HEMK2: variants seen among roughly 807,000 people sequenced by gnomAD.
HEMK2 encodes the protein methyltransferase HEMK2.
chr21:28,711,708 G>A, the HEMK2 span, among the ~76,000 whole-genome samples: 4 of 152,176 alleles, frequency 2.6e-5, no homozygotes, highest in African/African-American at 7.2e-5. Context: ...AGGCAGTGAC[G>A]TTTCAAGGAG....
chr21:28,589,711 C>T, the HEMK2 span, among the ~76,000 whole-genome samples: 5 of 152,014 alleles, frequency 3.3e-5, no homozygotes, highest in Admixed American at 1.3e-4. Flanking sequence ...TGAACCCATG[C>T]TTTGCTTTGA....
chr21:28,638,062 T>C, the HEMK2 span, among the ~76,000 whole-genome samples: 2 of 152,244 alleles, frequency 1.3e-5, no homozygotes, highest in South Asian at 2.1e-4. Context: ...ACTTGGGGTA[T>C]GCATTTATTC....
chr21:28,667,253 T>A, the HEMK2 span, among the ~76,000 whole-genome samples: 1 of 152,186 alleles, frequency 6.6e-6, no homozygotes, highest in African/African-American at 2.4e-5. Flanking sequence ...ATGTGTTGTT[T>A]TGACAGATTT....
At chr21:28,853,686 T>C in the HEMK2 span, among the ~76,000 whole-genome samples, 3 of 152,136 alleles carry the variant, frequency 2.0e-5, no homozygotes, top group East Asian at 1.9e-4. Context: ...CCTCAGGCAA[T>C]GTAGGGTTTA....
the HEMK2 span, among the ~76,000 whole-genome samples, chr21:28,714,464 G>A: frequency 6.6e-6 from 1 of 152,238 alleles, no homozygotes; most frequent in South Asian, 2.1e-4. Flanking sequence ...ACAATGAGAT[G>A]AGGCTGAATT....
the HEMK2 span, among the ~76,000 whole-genome samples, chr21:28,841,638 ATT>A: frequency 6.7e-6 from 1 of 149,272 alleles, no homozygotes; most frequent in East Asian, 2.0e-4. Context: ...AGGCATAAGA[ATT>A]ATACGATGGA....
the HEMK2 span, among the ~76,000 whole-genome samples, chr21:28,722,280 G>T: frequency 6.6e-6 from 1 of 152,004 alleles, no homozygotes; most frequent in African/African-American, 2.4e-5. Context: ...ATTAGAAAAA[G>T]AACTTTTCAA....
At chr21:28,605,636 C>T in the HEMK2 span, among the ~76,000 whole-genome samples, 42 of 152,120 alleles carry the variant, frequency 2.8e-4, 2 homozygotes, top group Admixed American at 2.5e-3. Context: ...TCCAAATTTC[C>T]TCATGCTTAA....
chr21:28,682,554 A>G, the HEMK2 span, among the ~76,000 whole-genome samples: 1 of 152,074 alleles, frequency 6.6e-6, no homozygotes, highest in Non-Finnish European at 1.5e-5. Flanking sequence ...ATTACTGGGT[A>G]TATACCCAAA....
At chr21:28,584,261 A>AT in the HEMK2 span, among the ~76,000 whole-genome samples, 1 of 152,236 alleles carries the variant, frequency 6.6e-6, no homozygotes, top group South Asian at 2.1e-4. Context: ...CACAAAGATT[A>AT]TTTTGTAAGA....
At chr21:28,731,992 T>C in the HEMK2 span, among the ~76,000 whole-genome samples, 1 of 152,184 alleles carries the variant, frequency 6.6e-6, no homozygotes, top group South Asian at 2.1e-4. Context: ...TACGTGTCAC[T>C]CCTAGAAACC....
the HEMK2 span, among the ~76,000 whole-genome samples, chr21:28,715,003 G>A: frequency 6.6e-6 from 1 of 152,070 alleles, no homozygotes; most frequent in South Asian, 2.1e-4. Context: ...AACATTCCAT[G>A]GTGTATATGT....
the HEMK2 span, among the ~76,000 whole-genome samples, chr21:28,763,965 T>C: frequency 2.0e-5 from 3 of 152,062 alleles, no homozygotes; most frequent in East Asian, 1.9e-4. Flanking sequence ...CATCCTGGGA[T>C]AGGAGCAGGC....
chr21:28,834,247 C>G, the HEMK2 span, among the ~76,000 whole-genome samples: 1 of 152,188 alleles, frequency 6.6e-6, no homozygotes, highest in African/African-American at 2.4e-5. Context: ...CAAGAACAAA[C>G]CAGCAATCCT....
the HEMK2 span, among the ~76,000 whole-genome samples, chr21:28,762,834 C>A: frequency 6.6e-6 from 1 of 152,108 alleles, no homozygotes; most frequent in African/African-American, 2.4e-5. Context: ...GAATAAACTT[C>A]TTTTCTTTAT....
chr21:28,703,430 G>A, the HEMK2 span, among the ~76,000 whole-genome samples: 1 of 152,254 alleles, frequency 6.6e-6, no homozygotes, highest in East Asian at 1.9e-4. Context: ...TAAGGCCAGG[G>A]AGAGAATAAA....
At chr21:28,724,266 AC>A in the HEMK2 span, among the ~76,000 whole-genome samples, 1 of 152,228 alleles carries the variant, frequency 6.6e-6, no homozygotes, top group Non-Finnish European at 1.5e-5. Context: ...TCATATTCTC[AC>A]TGGCAGAAAC....
the HEMK2 span, among the ~76,000 whole-genome samples, chr21:28,783,551 A>C: frequency 6.6e-6 from 1 of 152,244 alleles, no homozygotes. Context: ...ACATAAGGCC[A>C]GGTAAGAAAT....
the HEMK2 span, among the ~76,000 whole-genome samples, chr21:28,649,762 CA>C: frequency 6.6e-6 from 1 of 151,926 alleles, no homozygotes; most frequent in Non-Finnish European, 1.5e-5. Flanking sequence ...GCCAAGGGAA[CA>C]ACAAATGCTA....
Sources: gnomAD v4.1 joint callset for allele counts (sites outside exome capture counted in the v4.1 genomes callset) on GRCh38, gnomAD v4.1.1 for gene constraint, MANE v1.5 for transcripts, NCBI Gene and HGNC (gene_info 2026-07-23, HGNC 2026-07-21) for gene names.